ATP8A1: variants seen among roughly 807,000 people sequenced by gnomAD.
ATP8A1 encodes the protein phospholipid-transporting ATPase IA.
A neutral mutation model predicts 177.7 loss-of-function variants in ATP8A1; 90 were observed. The observed-to-expected ratio is 0.51, with a 90% CI of 0.43 to 0.60. ATP8A1 has a LOEUF of 0.60. ATP8A1 is among the 20% of genes least tolerant of loss of function. ATP8A1 has a pLI of 0.00. For synonymous variants in ATP8A1, 493 were observed against 485.9 expected (o/e 1.01, Z -0.19); for missense variants, 1,072 against 1,392.8 (o/e 0.77, Z 3.67).
At chr4:42,602,650 T>C (rs1288570497) in intron 5 of ATP8A1, among the ~76,000 whole-genome samples, 1 of 152,030 alleles carries the variant, frequency 6.6e-6, no homozygotes, top group African/African-American at 2.4e-5. Context: ...ACACCCGTAG[T>C]CCCAGCTACT....
At position 42,625,695 on chromosome 4, in the gene ATP8A1, T is replaced by A; in HGVS notation, c.183A>T (p.Ile61=). 6.2e-7 allele frequency: 1 copy of A among 1,602,836 alleles called. No individual in the cohort carries two copies. The highest frequency in any genetic ancestry group is 8.5e-7 in the Non-Finnish European group (1 of 1,174,356). The change falls in exon 3 of 37, where the codon ATA becomes ATT. Residue 61 remains isoleucine (I), a synonymous_variant. Coordinates refer to ENST00000381668, the MANE Select transcript of ATP8A1 (RefSeq NM_006095.2). ...AGAGAAATCTTGGAAGGAATGTGATTATGTTGTATTTTGCAGTGCTAGAAA... is the reference window on the plus strand; with the variant it reads ...AGAGAAATCTTGGAAGGAATGTGATAATGTTGTATTTTGCAGTGCTAGAAA... ...NNHVSTAKYN[I]ITFLPRFLYS...
At chr4:42,624,059 T>C (rs1737786361) in intron 4 of ATP8A1, among the ~76,000 whole-genome samples, 1 of 151,946 alleles carries the variant, frequency 6.6e-6, no homozygotes, top group Admixed American at 6.6e-5. Flanking sequence ...AGAATAAAAA[T>C]AGCTAATTTG....
At chr4:42,586,872 G>A (rs1017282669) in intron 8 of ATP8A1, among the ~76,000 whole-genome samples, 2 of 152,180 alleles carry the variant, frequency 1.3e-5, no homozygotes, top group Non-Finnish European at 2.9e-5. Flanking sequence ...ACATAGCTTT[G>A]TTTCTCTTTT....
chr4:42,516,748 A>C (rs1725577565), intron 22 of ATP8A1, among the ~76,000 whole-genome samples: 1 of 152,236 alleles, frequency 6.6e-6, no homozygotes, highest in African/African-American at 2.4e-5. Flanking sequence ...TTTTCAAAGG[A>C]ATCTAGTAGC....
At chr4:42,577,369 T>G (rs1732578299) in intron 12 of ATP8A1, among the ~76,000 whole-genome samples, 1 of 152,166 alleles carries the variant, frequency 6.6e-6, no homozygotes, top group African/African-American at 2.4e-5. Flanking sequence ...CACACTGATT[T>G]CTTACCAATG....
At chr4:42,476,968 GATAT>G (rs1721132336) in intron 25 of ATP8A1, among the ~76,000 whole-genome samples, 1 of 152,132 alleles carries the variant, frequency 6.6e-6, no homozygotes, top group Admixed American at 6.5e-5. Context: ...ATGTCTGTTT[GATAT>G]ATATCAATTA....
At chr4:42,522,073 G>T in intron 22 of ATP8A1, 87 bp downstream of exon 22, 1 of 1,452,504 alleles carries the variant, frequency 6.9e-7, no homozygotes, top group African/African-American at 1.4e-5. Context: ...AAGATATTTT[G>T]ATTTTTATTC....
At chr4:42,500,279 C>T (rs567732774) in intron 24 of ATP8A1, among the ~76,000 whole-genome samples, 24 of 152,080 alleles carry the variant, frequency 1.6e-4, no homozygotes, top group Non-Finnish European at 2.8e-4. Context: ...TCAGGAGAAT[C>T]GCTTGAACCC....
chr4:42,497,376 C>CA (rs1723388276), intron 24 of ATP8A1, among the ~76,000 whole-genome samples: 1 of 152,132 alleles, frequency 6.6e-6, no homozygotes, highest in Non-Finnish European at 1.5e-5. Flanking sequence ...GGCAGAGATG[C>CA]AAAGAGGGCA....
At chr4:42,566,615 G>A (rs1423388491) in intron 15 of ATP8A1, among the ~76,000 whole-genome samples, 1 of 152,132 alleles carries the variant, frequency 6.6e-6, no homozygotes, top group Non-Finnish European at 1.5e-5. Context: ...GAAATTTACT[G>A]AAAGAAATTC....
chr4:42,410,851 G>A lies in ATP8A1; in HGVS notation c.*2065C>T, dbSNP rs1224199708. On this transcript the variant is annotated 3_prime_UTR_variant, in exon 37 of 37. Transcript: ENST00000381668. ...TAAAATTCTGCAGAAGGGTGCCACT[G>A]ATGAAGTGAGCGCAAACAGAAGCAG... 6.6e-6 allele frequency: 1 copy of A among 152,210 alleles called. No individual in the cohort carries two copies. The highest frequency in any genetic ancestry group is 1.5e-5 in the Non-Finnish European group (1 of 68,040). 9.4% of individuals were successfully genotyped at this position (152,210 alleles called of 1,614,324 possible). A position where few individuals can be genotyped will look rare whatever the true frequency, so the allele number is the denominator to read the frequency against.
At chr4:42,460,400 T>C (rs1437657416) in intron 27 of ATP8A1, among the ~76,000 whole-genome samples, 2 of 148,260 alleles carry the variant, frequency 1.3e-5, no homozygotes, top group Admixed American at 6.7e-5. Context: ...TTTTTTTTTT[T>C]TTTCTGAGAT....
intron 25 of ATP8A1, among the ~76,000 whole-genome samples, chr4:42,476,371 G>A (rs965200754): frequency 2.6e-5 from 4 of 152,138 alleles, no homozygotes; most frequent in Non-Finnish European, 5.9e-5. Flanking sequence ...CCAGCACTTT[G>A]GGAGGCTGAG....
chr4:42,441,424 G>A (rs1370639783), intron 33 of ATP8A1, among the ~76,000 whole-genome samples: 1 of 152,024 alleles, frequency 6.6e-6, no homozygotes, highest in East Asian at 1.9e-4. Context: ...ATAGACCTAA[G>A]AGTAGTCACT....
At chr4:42,563,804 T>G (rs1308694380) in intron 15 of ATP8A1, among the ~76,000 whole-genome samples, 2 of 152,170 alleles carry the variant, frequency 1.3e-5, no homozygotes, top group African/African-American at 2.4e-5. Context: ...AATCAAGAAT[T>G]GAGGTTTGGG....
intron 1 of ATP8A1, among the ~76,000 whole-genome samples, chr4:42,644,279 T>C (rs1740303782): frequency 6.6e-6 from 1 of 152,188 alleles, no homozygotes; most frequent in Non-Finnish European, 1.5e-5. Context: ...ATTTGGTACC[T>C]GGGGAAATTA....
At chr4:42,599,671 T>C (rs1735053793) in intron 6 of ATP8A1, among the ~76,000 whole-genome samples, 1 of 152,204 alleles carries the variant, frequency 6.6e-6, no homozygotes. Flanking sequence ...TGGGAAGTAC[T>C]GGAGTGCAAA....
intron 19 of ATP8A1, among the ~76,000 whole-genome samples, chr4:42,544,254 A>C (rs1728674508): frequency 6.6e-6 from 1 of 152,226 alleles, no homozygotes; most frequent in Non-Finnish European, 1.5e-5. Context: ...ACAAGAGCTC[A>C]TACCCACCAG....
At chr4:42,571,568 C>T (rs746962456) in intron 14 of ATP8A1, among the ~76,000 whole-genome samples, 5 of 151,574 alleles carry the variant, frequency 3.3e-5, no homozygotes, top group Non-Finnish European at 5.9e-5. Context: ...TTACCTATTC[C>T]GGGTATTCAA....
Sources: allele counts gnomAD v4.1 joint callset (sites outside exome capture counted in the v4.1 genomes callset), GRCh38; gene constraint gnomAD v4.1.1; transcripts MANE v1.5; gene names NCBI Gene and HGNC (gene_info 2026-07-23, HGNC 2026-07-21).